Variants in AKT3 observed in about 807,000 individuals in gnomAD.
AKT3 encodes RAC-gamma serine/threonine-protein kinase.
A neutral mutation model predicts 65.3 loss-of-function variants in AKT3; 15 were observed. The ratio of observed to expected loss-of-function variants is 0.23; its 90% confidence interval spans 0.15 to 0.35. The LOEUF (loss-of-function observed/expected upper bound fraction) is 0.35. Ranked by LOEUF, AKT3 falls within the 10% of genes least tolerant of loss-of-function variation. AKT3 has a pLI of 1.00. For missense variants in AKT3, 243 were observed against 576.5 expected (o/e 0.42, Z 5.92); for synonymous variants, 206 against 183.8 (o/e 1.12, Z -0.98).
intron 3 of AKT3, among the ~76,000 whole-genome samples, chr1:243,686,653 T>TATATATATATATATATA (rs1684343018): frequency 9.5e-4 from 11 of 11,546 alleles, no homozygotes; most frequent in African/African-American, 1.3e-3. Context: ...ATATATATAT[T>TATATATATATATATATA]TTTTTTTTTT....
At chr1:243,685,145 TCTTTA>T (rs1322158160) in intron 3 of AKT3, among the ~76,000 whole-genome samples, 1 of 152,236 alleles carries the variant, frequency 6.6e-6, no homozygotes, top group African/African-American at 2.4e-5. Flanking sequence ...GTGCAGAATC[TCTTTA>T]GTTTAATTAA....
intron 13 of AKT3, among the ~76,000 whole-genome samples, chr1:243,490,988 G>A (rs1383206367): frequency 2.0e-5 from 3 of 152,220 alleles, no homozygotes; most frequent in Non-Finnish European, 4.4e-5. Context: ...AGGAGGGAGG[G>A]ACCGTGACTC....
chr1:243,533,339 A>C (rs1354962803), intron 12 of AKT3, among the ~76,000 whole-genome samples: 2 of 152,218 alleles, frequency 1.3e-5, no homozygotes, highest in Non-Finnish European at 2.9e-5. Context: ...CTTCTCTCTT[A>C]GTAACTGATA....
At position 243,504,884 on chromosome 1, in the gene AKT3, C is replaced by A; in HGVS notation, c.*365G>T. The A allele has an allele frequency of 3.9e-6, 1 of 257,380 alleles. No individual in the cohort carries two copies. The highest frequency in any genetic ancestry group is 7.4e-6 in the Non-Finnish European group (1 of 134,604). 15.9% of individuals were successfully genotyped at this position (257,380 alleles called of 1,614,324 possible). A position where few individuals can be genotyped will look rare whatever the true frequency, so the allele number is the denominator to read the frequency against. On this transcript the variant is annotated 3_prime_UTR_variant, in exon 14 of 14. Transcript: ENST00000673466. ...CTAGAATCAGTGTATCTCATTTAGC[C>A]TTCACTGAGGGAAAAACTAAAAGAT...
rs1369864530 is a variant in AKT3 at position 243,502,458 on chromosome 1, A to G, written c.*2791T>C. On this transcript the variant is annotated 3_prime_UTR_variant, in exon 14 of 14. Transcript: ENST00000673466. Reference sequence around the variant, plus strand: ...TTTCCTCCAAGATGGCTGCATTATGACAAGAAGTCAAGCTTCATGACAGTT... The same window carrying G: ...TTTCCTCCAAGATGGCTGCATTATGGCAAGAAGTCAAGCTTCATGACAGTT... The G allele has an allele frequency of 1.3e-5, 3 of 233,130 alleles. No homozygotes were observed. The highest frequency in any genetic ancestry group is 2.5e-5 in the Non-Finnish European group (3 of 118,022). The allele number at this position is 233,130 out of a possible 1,614,324, so 14.4% of individuals were successfully genotyped here.
chr1:243,536,555 TG>T (rs1477876304), intron 12 of AKT3, among the ~76,000 whole-genome samples: 1 of 152,334 alleles, frequency 6.6e-6, no homozygotes, highest in African/African-American at 2.4e-5. Flanking sequence ...GTTTACTTTT[TG>T]TGTCATTTGA....
At chr1:243,517,994 T>C (rs1295156178) in intron 12 of AKT3, among the ~76,000 whole-genome samples, 2 of 152,236 alleles carry the variant, frequency 1.3e-5, no homozygotes, top group African/African-American at 4.8e-5. Context: ...TCAGTGAGCA[T>C]GTAGTGTACC....
At chr1:243,595,301 A>G (rs919214289) in intron 8 of AKT3, among the ~76,000 whole-genome samples, 1 of 152,206 alleles carries the variant, frequency 6.6e-6, no homozygotes, top group Non-Finnish European at 1.5e-5. Context: ...ATACCTGTCT[A>G]TTGCATTTAT....
intron 2 of AKT3, among the ~76,000 whole-genome samples, chr1:243,830,249 T>C (rs1258177820): frequency 6.6e-6 from 1 of 152,148 alleles, no homozygotes; most frequent in East Asian, 1.9e-4. Flanking sequence ...TTAAAGATGA[T>C]TTAAAGCATA....
chr1:243,495,278 A>G (rs990997644), downstream of AKT3, among the ~76,000 whole-genome samples: 3 of 152,068 alleles, frequency 2.0e-5, no homozygotes, highest in Non-Finnish European at 2.9e-5. Flanking sequence ...GTCCAGCTCG[A>G]GATGCTGTCT....
At chr1:243,525,216 A>G (rs1670966959) in intron 12 of AKT3, among the ~76,000 whole-genome samples, 1 of 152,194 alleles carries the variant, frequency 6.6e-6, no homozygotes, top group Admixed American at 6.5e-5. Context: ...AACCCACTGG[A>G]AAAAAGAAAG....
chr1:243,788,046 T>C (rs1326885711), intron 2 of AKT3, among the ~76,000 whole-genome samples: 1 of 152,058 alleles, frequency 6.6e-6, no homozygotes, highest in African/African-American at 2.4e-5. Flanking sequence ...AGAACCCTAT[T>C]CTAAAAAAAA....
intron 4 of AKT3, among the ~76,000 whole-genome samples, chr1:243,647,060 T>G (rs1572094257): frequency 6.6e-6 from 1 of 152,214 alleles, no homozygotes; most frequent in East Asian, 1.9e-4. Flanking sequence ...CGTAATCATT[T>G]AAATCTTCCA....
At chr1:243,610,730 C>G (rs1457068994) in intron 8 of AKT3, among the ~76,000 whole-genome samples, 3 of 152,166 alleles carry the variant, frequency 2.0e-5, no homozygotes, top group Non-Finnish European at 4.4e-5. Context: ...GCACTAATAC[C>G]CAGTGCATAA....
chr1:243,657,791 T>C (rs936207874), intron 4 of AKT3, among the ~76,000 whole-genome samples: 2 of 152,048 alleles, frequency 1.3e-5, no homozygotes, highest in African/African-American at 4.8e-5. Context: ...CATAAAGACA[T>C]ATAGACTAAT....
intron 3 of AKT3, among the ~76,000 whole-genome samples, chr1:243,681,113 G>A (rs1683884792): frequency 6.6e-6 from 1 of 152,094 alleles, no homozygotes; most frequent in South Asian, 2.1e-4. Context: ...CTCCATCTCT[G>A]AAAGAATTCC....
intron 11 of AKT3, chr1:243,546,704 C>T (rs1220677388): frequency 1.3e-5 from 2 of 152,046 alleles, no homozygotes; most frequent in Non-Finnish European, 2.9e-5. Flanking sequence ...CACCACACCC[C>T]AGACATATAA....
chr1:243,490,630 G>C (rs532765762), intron 13 of AKT3, among the ~76,000 whole-genome samples: 5 of 152,242 alleles, frequency 3.3e-5, no homozygotes, highest in Non-Finnish European at 5.9e-5. Context: ...CTGGCTTCAC[G>C]GGCTACTGGG....
At chr1:243,537,197 C>T (rs1482553727) in intron 12 of AKT3, among the ~76,000 whole-genome samples, 1 of 152,116 alleles carries the variant, frequency 6.6e-6, no homozygotes, top group Non-Finnish European at 1.5e-5. Context: ...CAATCCCAAC[C>T]TTCCACATTC....
Sources: gnomAD v4.1 joint callset for allele counts (sites outside exome capture counted in the v4.1 genomes callset) on GRCh38, gnomAD v4.1.1 for gene constraint, MANE v1.5 for transcripts, NCBI Gene and HGNC (gene_info 2026-07-23, HGNC 2026-07-21) for gene names.